Variants in EHBP1 observed in about 807,000 individuals in gnomAD.
EHBP1 encodes EH domain binding protein 1.
A neutral mutation model predicts 144.0 loss-of-function variants in EHBP1; 55 were observed. The observed-to-expected ratio is 0.38, with a 90% CI of 0.31 to 0.48. The LOEUF is 0.48. Ranked by LOEUF, EHBP1 falls within the 20% of genes least tolerant of loss-of-function variation. The pLI, the probability that EHBP1 is intolerant of heterozygous loss-of-function variation, is 0.98. For synonymous variants in EHBP1, 469 were observed against 472.7 expected (o/e 0.99, Z 0.10); for missense variants, 1,200 against 1,364.2 (o/e 0.88, Z 1.90).
At chr2:62,846,444 A>C (rs2048307688) in intron 7 of EHBP1, among the ~76,000 whole-genome samples, 1 of 152,212 alleles carries the variant, frequency 6.6e-6, no homozygotes, top group African/African-American at 2.4e-5. Context: ...CATTTGACAA[A>C]ATTCAATGCC....
intron 19 of EHBP1, among the ~76,000 whole-genome samples, chr2:63,017,617 T>C (rs2060537602): frequency 6.6e-6 from 1 of 152,208 alleles, no homozygotes; most frequent in African/African-American, 2.4e-5. Flanking sequence ...TTATATAATC[T>C]TTTTAATACT....
At chr2:62,813,633 T>C (rs1027906657) in intron 5 of EHBP1, among the ~76,000 whole-genome samples, 18 of 152,180 alleles carry the variant, frequency 1.2e-4, no homozygotes, top group African/African-American at 4.3e-4. Flanking sequence ...AGCAAAGCCA[T>C]AGGGGCAGGG....
At chr2:62,912,713 T>C (rs1204759103) in intron 10 of EHBP1, among the ~76,000 whole-genome samples, 2 of 152,184 alleles carry the variant, frequency 1.3e-5, no homozygotes, top group Non-Finnish European at 2.9e-5. Context: ...AGCACCGGTA[T>C]GGTCTGAGTT....
At chr2:62,943,969 T>TGTA in intron 12 of EHBP1, 119 bp downstream of exon 12, 1 of 645,996 alleles carries the variant, frequency 1.5e-6, no homozygotes, top group Non-Finnish European at 2.6e-6. Context: ...CACAGAGGGT[T>TGTA]GTCTGCTTAC....
chr2:62,795,040 A>T (rs1267214978), intron 5 of EHBP1, among the ~76,000 whole-genome samples: 3 of 152,092 alleles, frequency 2.0e-5, no homozygotes, highest in African/African-American at 7.2e-5. Flanking sequence ...GTGTGTATAC[A>T]CAGAAAAAAA....
Position 62,957,641 on chromosome 2 carries a change from C to CTTTTTTTTTTTTTTTTTTT in EHBP1, c.2460+1985_2460+2003dup, listed in dbSNP as rs1157397512. ...TAAAATTAATATTTGAAAATAAATGCTTTTTTTTTTTTTTTTTTTTTTGAG... is the reference window on the plus strand; with the variant it reads ...TAAAATTAATATTTGAAAATAAATGCTTTTTTTTTTTTTTTTTTTTTTTTTTTTTTTTTTTTTTTTTGAG... On this transcript the variant is annotated intron_variant, in intron 14 of 22. Transcript: ENST00000431489. Among the ~76,000 whole-genome samples, 14 of 87,176 alleles carry CTTTTTTTTTTTTTTTTTTT rather than the reference C, an allele frequency of 1.6e-4. 2 individuals are homozygous for CTTTTTTTTTTTTTTTTTTT. Among genetic ancestry groups the CTTTTTTTTTTTTTTTTTTT allele is most frequent in the African/African-American group, 5.6e-4 (11 of 19,488 alleles). 57.2% of individuals were successfully genotyped at this position (87,176 alleles called of 152,430 possible).
At chr2:62,767,833 CAAAAAAA>C (rs1208266767) in intron 4 of EHBP1, among the ~76,000 whole-genome samples, 10 of 76,388 alleles carry the variant, frequency 1.3e-4, no homozygotes, top group South Asian at 4.5e-4. Context: ...AAGACTCTGT[CAAAAAAA>C]AAAAAAAAAA....
At chr2:62,845,177 A>G (rs557686321) in intron 7 of EHBP1, among the ~76,000 whole-genome samples, 167 of 151,682 alleles carry the variant, frequency 1.1e-3, no homozygotes, top group Middle Eastern at 0.01. Context: ...CAAGGTTCCT[A>G]TAAGGGACAT....
Position 62,864,770 on chromosome 2 carries a change from ACT to A in EHBP1, c.800_801del (p.Ser267PhefsTer3). On this transcript the variant is annotated frameshift_variant, in exon 9 of 23. Coordinates refer to ENST00000431489, the MANE Select transcript of EHBP1 (RefSeq NM_001142616.3). LOFTEE classifies it high-confidence loss of function. ...ACAGCTTCACCTAGAAAAACAGAAG[ACT>A]CTTTTTATAATAACAGCTATAATCC... is the stretch of plus-strand genomic sequence containing the variant. 6.2e-7 allele frequency: 1 copy of A among 1,612,722 alleles called. No individual in the cohort carries two copies. The highest frequency in any genetic ancestry group is 8.5e-7 in the Non-Finnish European group (1 of 1,179,480).
chr2:62,733,642 G>A lies in EHBP1; in HGVS notation c.105-13753G>A, dbSNP rs1434036595. On this transcript the variant is annotated intron_variant, in intron 2 of 22. Transcript: ENST00000431489. ...TTCTAGTAAAATAGTTTCTCTTGAG[G>A]GTAGGCCTTATTAAGAGGCTTGGGA... 2.0e-5 allele frequency among the ~76,000 whole-genome samples: 3 copies of A among 152,294 alleles called. No individual in the cohort carries two copies. The East Asian group carries it at 5.8e-4, about 29-fold the overall frequency.
intron 5 of EHBP1, among the ~76,000 whole-genome samples, chr2:62,804,405 A>T (rs1020204628): frequency 6.6e-6 from 1 of 152,204 alleles, no homozygotes; most frequent in Non-Finnish European, 1.5e-5. Flanking sequence ...TTTGGGAAAA[A>T]ATTACCTCCT....
At chr2:62,892,983 GC>G (rs2052585996) in intron 10 of EHBP1, among the ~76,000 whole-genome samples, 1 of 152,022 alleles carries the variant, frequency 6.6e-6, no homozygotes. Flanking sequence ...ATGAGCAACA[GC>G]CTTCACTTTG....
intron 6 of EHBP1, among the ~76,000 whole-genome samples, chr2:62,830,592 GAGTTGTCTGTTT>G (rs1428936739): frequency 6.6e-6 from 1 of 152,134 alleles, no homozygotes; most frequent in Non-Finnish European, 1.5e-5. Flanking sequence ...CCCACTCTGT[GAGTTGTCTGTTT>G]ACTCTGCTGA....
intron 10 of EHBP1, among the ~76,000 whole-genome samples, chr2:62,889,567 A>G (rs2052265513): frequency 6.6e-6 from 1 of 152,016 alleles, no homozygotes; most frequent in South Asian, 2.1e-4. Context: ...TCTTGAGTTA[A>G]TTTTTATGTG....
chr2:62,935,179 A>T (rs1368094562), intron 10 of EHBP1, among the ~76,000 whole-genome samples: 3 of 151,752 alleles, frequency 2.0e-5, no homozygotes, highest in Admixed American at 6.6e-5. Context: ...AATACAAAAA[A>T]TTAGCTGCGT....
intron 5 of EHBP1, among the ~76,000 whole-genome samples, chr2:62,822,856 C>T (rs1163910830): frequency 6.6e-6 from 1 of 152,032 alleles, no homozygotes; most frequent in Admixed American, 6.6e-5. Flanking sequence ...TGTCTGATTC[C>T]AACCGCAATA....
chr2:62,948,212 A>AATAT, intron 12 of EHBP1, 48 bp from the exon 13 acceptor site: 1 of 1,436,396 alleles, frequency 7.0e-7, no homozygotes, highest in African/African-American at 1.4e-5. Context: ...AAAATGTGTG[A>AATAT]ATTATATGAA....
At chr2:62,953,431 C>G (rs2057512500) in intron 13 of EHBP1, among the ~76,000 whole-genome samples, 1 of 151,792 alleles carries the variant, frequency 6.6e-6, no homozygotes, top group Non-Finnish European at 1.5e-5. Flanking sequence ...CACCTGTAAT[C>G]CCAGTACTTT....
intron 2 of EHBP1, among the ~76,000 whole-genome samples, chr2:62,742,518 GA>G (rs1340732779): frequency 6.6e-6 from 1 of 151,956 alleles, no homozygotes; most frequent in African/African-American, 2.4e-5. Context: ...AATTGATGTA[GA>G]AAAAAATGAG....
Sources: allele counts gnomAD v4.1 joint callset (sites outside exome capture counted in the v4.1 genomes callset), GRCh38; gene constraint gnomAD v4.1.1; transcripts MANE v1.5; gene names NCBI Gene and HGNC (gene_info 2026-07-23, HGNC 2026-07-21).